ERC2: variants seen among roughly 807,000 people sequenced by gnomAD.
ERC2 encodes ELKS/RAB6-interacting/CAST family member 2.
A neutral mutation model predicts 114.8 loss-of-function variants in ERC2; 42 were observed. The ratio of observed to expected loss-of-function variants is 0.37; its 90% CI spans 0.29 to 0.47. The LOEUF (loss-of-function observed/expected upper bound fraction) is 0.47, where lower values mean the gene tolerates loss of function less well. Ranked by LOEUF, ERC2 falls within the 20% of genes least tolerant of loss-of-function variation. The pLI, the probability that ERC2 is intolerant of heterozygous loss-of-function variation, is 0.99. For missense variants in ERC2, 939 were observed against 1,150.7 expected (o/e 0.82, Z 2.66); for synonymous variants, 454 against 425.5 (o/e 1.07, Z -0.82).
intron 2 of ERC2, among the ~76,000 whole-genome samples, chr3:56,339,341 G>A (rs1230107128): frequency 1.3e-5 from 2 of 152,046 alleles, no homozygotes; most frequent in African/African-American, 4.8e-5. Flanking sequence ...GTTTCATCAG[G>A]GGAAAGAGAA....
intron 17 of ERC2, among the ~76,000 whole-genome samples, chr3:55,514,836 T>C (rs1559580869): frequency 1.3e-5 from 2 of 152,236 alleles, no homozygotes; most frequent in Admixed American, 6.5e-5. Context: ...CATCTGGACT[T>C]CTGACCTATG....
chr3:56,295,266 C>A (rs2055354575), intron 3 of ERC2, among the ~76,000 whole-genome samples: 1 of 152,202 alleles, frequency 6.6e-6, no homozygotes, highest in African/African-American at 2.4e-5. Context: ...CTGCATGATA[C>A]TTTTAAGGTC....
At chr3:55,695,624 T>C (rs915025594) in intron 16 of ERC2, among the ~76,000 whole-genome samples, 2 of 152,172 alleles carry the variant, frequency 1.3e-5, no homozygotes, top group Non-Finnish European at 2.9e-5. Context: ...CTTTCTCAGA[T>C]ATTATTGCCT....
intron 17 of ERC2, among the ~76,000 whole-genome samples, chr3:55,639,600 G>C (rs2060092115): frequency 6.6e-6 from 1 of 152,170 alleles, no homozygotes; most frequent in African/African-American, 2.4e-5. Context: ...TCCTAGCTTG[G>C]CCTGAAAGCT....
chr3:56,165,222 G>C (rs11917333), intron 4 of ERC2, among the ~76,000 whole-genome samples: 35,113 of 143,658 alleles, frequency 0.24, 4,788 homozygotes, highest in Non-Finnish European at 0.3. Flanking sequence ...AGTTTAGCTT[G>C]TTTGGAGAAC....
At chr3:55,791,356 A>G (rs182106398) in intron 14 of ERC2, among the ~76,000 whole-genome samples, 9 of 152,320 alleles carry the variant, frequency 5.9e-5, no homozygotes, top group Non-Finnish European at 8.8e-5. Context: ...GACATAAAAG[A>G]TAGGTACATA....
intron 14 of ERC2, among the ~76,000 whole-genome samples, chr3:55,866,828 A>G (rs1475109420): frequency 2.6e-5 from 4 of 152,156 alleles, no homozygotes; most frequent in African/African-American, 7.2e-5. Context: ...TAATACAGGA[A>G]GAACCTGGGA....
rs954166474 is a variant in ERC2 at position 56,468,264 on chromosome 3, C to T, written c.-157G>A. Reference sequence around the variant, plus strand: ...GCGTCTCACCTTTCCGATGCTCGCCCCGGGGCCGTCCCACATGGATTTTTA... The same window carrying T: ...GCGTCTCACCTTTCCGATGCTCGCCTCGGGGCCGTCCCACATGGATTTTTA... On this transcript the variant is annotated 5_prime_UTR_variant, in exon 1 of 18. Coordinates refer to ENST00000288221, the MANE Select transcript of ERC2 (RefSeq NM_015576.3). The T allele has an allele frequency of 6.6e-6, 1 of 151,960 alleles. No homozygotes were observed. Among genetic ancestry groups the T allele is most frequent in the African/African-American group, 2.4e-5 (1 of 41,404 alleles). The allele number at this position is 151,960 out of a possible 1,614,324, so 9.4% of individuals were successfully genotyped here.
intron 1 of ERC2, among the ~76,000 whole-genome samples, chr3:56,463,620 T>C (rs1470793916): frequency 1.3e-5 from 2 of 152,230 alleles, no homozygotes; most frequent in African/African-American, 4.8e-5. Context: ...GCCTAACACA[T>C]AGTTAACTGC....
At chr3:56,180,078 G>A (rs2083207397) in intron 3 of ERC2, among the ~76,000 whole-genome samples, 1 of 152,118 alleles carries the variant, frequency 6.6e-6, no homozygotes, top group African/African-American at 2.4e-5. Context: ...GAAGAGCATG[G>A]CCTCCTGGAG....
intron 3 of ERC2, among the ~76,000 whole-genome samples, chr3:56,284,311 G>C (rs896986380): frequency 1.3e-5 from 2 of 152,210 alleles, no homozygotes; most frequent in African/African-American, 4.8e-5. Flanking sequence ...AACGTGTTAT[G>C]CATAAATACT....
Position 56,405,434 on chromosome 3 carries a change from G to GA in ERC2, c.657+28916dup, listed in dbSNP as rs765967718. On this transcript the variant is annotated intron_variant, in intron 2 of 17. Transcript: ENST00000288221. The stretch of plus-strand genomic sequence containing the variant: ...AGAGCAAGAATCCATCTCAAAAAAG[G>GA]AAAAAAAAAAAGAAGGGATGGACCC... Among the ~76,000 whole-genome samples the GA allele has an allele frequency of 6.5e-3, 928 of 143,162 alleles. 5 individuals are homozygous for GA. The highest frequency in any genetic ancestry group is 0.023 in the East Asian group (115 of 4,992). The allele number at this position is 143,162 out of a possible 152,430, so 93.9% of individuals were successfully genotyped here. A position where few individuals can be genotyped will look rare whatever the true frequency, so the allele number is the denominator to read the frequency against.
chr3:55,853,988 A>G (rs1444173958), intron 14 of ERC2, among the ~76,000 whole-genome samples: 1 of 152,186 alleles, frequency 6.6e-6, no homozygotes, highest in Non-Finnish European at 1.5e-5. Context: ...ACAAAGCACG[A>G]AGCAGGCCCA....
chr3:55,660,725 C>T (rs954966606), intron 17 of ERC2, among the ~76,000 whole-genome samples: 1 of 152,134 alleles, frequency 6.6e-6, no homozygotes, highest in African/African-American at 2.4e-5. Flanking sequence ...CTTATGTGCA[C>T]AGACTTGGGT....
At chr3:56,027,267 A>G (rs751785959) in intron 7 of ERC2, among the ~76,000 whole-genome samples, 15 of 152,250 alleles carry the variant, frequency 9.9e-5, no homozygotes, top group Admixed American at 2.6e-4. Context: ...ATAAACGACT[A>G]TGAACATTCA....
intron 6 of ERC2, 90 bp downstream of exon 6, chr3:56,139,419 T>C: frequency 7.6e-7 from 1 of 1,321,040 alleles, no homozygotes; most frequent in Non-Finnish European, 1.0e-6. Flanking sequence ...AGGGTTAGGA[T>C]AAAGGGTCTT....
rs118163689 is a variant in ERC2, at chr3:55,874,182, G to A, written c.2564+14207C>T. Among the ~76,000 whole-genome samples, 82 of 152,326 alleles carry A rather than the reference G, an allele frequency of 5.4e-4. No individual in the cohort carries two copies. The East Asian group carries it at 0.015, about 29-fold the overall frequency. On this transcript the variant is annotated intron_variant, in intron 14 of 17. Transcript: ENST00000288221. Reference sequence around the variant, plus strand: ...CAAAGAATGCTACCCATACCTTGGAGGCAGTTGACTTGTACTTGGCCAGGG... The same window carrying A: ...CAAAGAATGCTACCCATACCTTGGAAGCAGTTGACTTGTACTTGGCCAGGG...
rs889588954 is a variant in ERC2 at position 55,893,095 on chromosome 3, A to G, written c.2404-4546T>C. On this transcript the variant is annotated intron_variant, in intron 13 of 17. Transcript: ENST00000288221. ...AGACGTCAGCAGTTTGCAACCCAGG[A>G]GAGGGCCCTCACCAGAATCTGACCA... 2.0e-5 allele frequency among the ~76,000 whole-genome samples: 3 copies of G among 152,134 alleles called. No homozygotes were observed. The East Asian group carries it at 5.8e-4, about 29-fold the overall frequency.
chr3:55,663,236 G>C lies in ERC2; in HGVS notation c.*39+20558C>G, dbSNP rs147228690. Among the ~76,000 whole-genome samples the C allele has an allele frequency of 5.9e-5, 9 of 152,276 alleles. No individual in the cohort carries two copies. The East Asian group carries it at 1.7e-3, about 29-fold the overall frequency. ...AAACAAAAAAATTCCCCAAAAAACA[G>C]ACCTTAAAAACTAAATCCTAACCCT... On this transcript the variant is annotated intron_variant, in intron 17 of 17. Coordinates refer to ENST00000288221, the MANE Select transcript of ERC2 (RefSeq NM_015576.3).
Sources: allele counts gnomAD v4.1 joint callset (sites outside exome capture counted in the v4.1 genomes callset), GRCh38; gene constraint gnomAD v4.1.1; transcripts MANE v1.5; gene names NCBI Gene and HGNC (gene_info 2026-07-23, HGNC 2026-07-21).